Variants in ATAD3A observed in about 807,000 individuals in gnomAD.
The protein encoded by ATAD3A is ATPase family AAA domain containing 3A.
ATAD3A carries 46 observed loss-of-function variants against 73.8 expected under a neutral mutation model. That is an observed-to-expected ratio of 0.62 (90% CI 0.49 to 0.80). The LOEUF is 0.80. Among genes scored for constraint, ATAD3A ranks in the 30% least tolerant of loss-of-function variants. The pLI, the probability that ATAD3A is intolerant of heterozygous loss-of-function variation, is 0.00. For synonymous variants in ATAD3A, 319 were observed against 350.0 expected (o/e 0.91, Z 0.99); for missense variants, 705 against 838.0 (o/e 0.84, Z 1.96).
At chr1:1,522,362 G>C (rs1364075438) in intron 7 of ATAD3A, among the ~76,000 whole-genome samples, 1 of 152,150 alleles carries the variant, frequency 6.6e-6, no homozygotes, top group Non-Finnish European at 1.5e-5. Context: ...TTTTTAAAAC[G>C]AGTTAGAGAT....
Position 1,523,349 on chromosome 1 carries a change from G to T in ATAD3A, c.907-162G>T, listed in dbSNP as rs541962093. Among the ~76,000 whole-genome samples the T allele has an allele frequency of 1.6e-4, 25 of 152,282 alleles. No individual in the cohort carries two copies. Among genetic ancestry groups the T allele is most frequent in the South Asian group, 1.0e-3 (5 of 4,828 alleles). ...AATGCCCCTAATCCCAGCAATAGCCGCCTGGTCTCCGGGCGGGGCAGGGTT... is the reference window on the plus strand; with the variant it reads ...AATGCCCCTAATCCCAGCAATAGCCTCCTGGTCTCCGGGCGGGGCAGGGTT... On this transcript the variant is annotated intron_variant, in intron 8 of 15. Coordinates refer to ENST00000378756, the MANE Select transcript of ATAD3A (RefSeq NM_001170535.3). The surrounding 1 kb of genome is among the most constrained non-coding windows in gnomAD (Gnocchi z 5.1).
intron 15 of ATAD3A, 85 bp downstream of exon 15, chr1:1,529,416 G>C (rs963285137): frequency 6.7e-7 from 1 of 1,498,832 alleles, no homozygotes; most frequent in Admixed American, 2.2e-5. Flanking sequence ...TCCCAGCACC[G>C]GTGTCACGCG....
In ATAD3A at chr1:1,512,307, T is replaced by A. The variant is rs556239318; in HGVS notation, c.39T>A (p.Gly13=). 237 of 1,255,354 alleles carry A rather than the reference T, an allele frequency of 1.9e-4. 1 individual carries two copies. In the African/African-American group the frequency reaches 3.2e-3, roughly 17 times the overall value. 77.8% of individuals were successfully genotyped at this position (1,255,354 alleles called of 1,614,324 possible). Residue 13 remains glycine, a synonymous_variant, in exon 1 of 16, where the codon GGT becomes GGA. Transcript: ENST00000378756. Reference sequence around the variant, plus strand: ...TCGGCATTAACAAGGGCCCCAAGGGTGAAGGCGCGGGGCCGCCGCCGCCTT... The same window carrying A: ...TCGGCATTAACAAGGGCCCCAAGGGAGAAGGCGCGGGGCCGCCGCCGCCTT... ...WLFGINKGPK[G]EGAGPPPPLP...
At chr1:1,518,666 T>TACACAC (rs113798902) in intron 4 of ATAD3A, among the ~76,000 whole-genome samples, 662 of 41,202 alleles carry the variant, frequency 0.016, 4 homozygotes, top group South Asian at 0.03. Context: ...CCCGCACGGG[T>TACACAC]ACACACACAC....
chr1:1,532,992 G>A (rs1642084999), intron 15 of ATAD3A, among the ~76,000 whole-genome samples: 2 of 152,166 alleles, frequency 1.3e-5, no homozygotes, highest in South Asian at 4.1e-4. Flanking sequence ...TCCCCACACA[G>A]TGGCTCTTGG....
chr1:1,516,076 G>A lies in ATAD3A; in HGVS notation c.270G>A (p.Gln90=). Residue 90 remains glutamine, a synonymous_variant, in exon 2 of 16, where the codon CAG becomes CAA. Coordinates refer to ENST00000378756, the MANE Select transcript of ATAD3A (RefSeq NM_001170535.3). ...AGCAGACGCTGCAGTTGGAGCAACA[G>A]TCCAAGCTCAAAGTGAGTGGGGCCG... ...MQEQTLQLEQ[Q]SKLKEYEAAV... 2 of 1,613,676 alleles carry A rather than the reference G, an allele frequency of 1.2e-6. No homozygotes were observed. The highest frequency in any genetic ancestry group is 1.7e-6 in the Non-Finnish European group (2 of 1,179,920).
chr1:1,534,184 C>G lies in ATAD3A; in HGVS notation c.*112C>G. 6.4e-7 allele frequency: 1 copy of G among 1,570,352 alleles called. No homozygotes were observed. The highest frequency in any genetic ancestry group is 8.6e-7 in the Non-Finnish European group (1 of 1,158,390). On this transcript the variant is annotated 3_prime_UTR_variant, in exon 16 of 16. Transcript: ENST00000378756. ...CTCCTGGGTGGGGACTGGGCTGTGC[C>G]CAGGGCCTCTGTCCCCCAGGATGTC...
At position 1,523,189 on chromosome 1, in the gene ATAD3A, C is replaced by T. The variant is rs1386510714; in HGVS notation, c.906+290C>T. On this transcript the variant is annotated intron_variant, in intron 8 of 15. Transcript: ENST00000378756. The surrounding 1 kb of genome is among the most constrained non-coding windows in gnomAD (Gnocchi z 5.1). The stretch of plus-strand genomic sequence containing the variant: ...GGGACTTGGGTGTGCGGCCGTCTAT[C>T]AGGGAAGCTGCTACAGGCCACGGCG... 2.6e-5 allele frequency among the ~76,000 whole-genome samples: 4 copies of T among 152,006 alleles called. No homozygotes were observed. The highest frequency in any genetic ancestry group is 9.7e-5 in the African/African-American group (4 of 41,316).
Position 1,519,534 on chromosome 1 carries a change from A to G in ATAD3A, c.514+544A>G, listed in dbSNP as rs1321481459. Among the ~76,000 whole-genome samples the G allele has an allele frequency of 3.6e-4, 23 of 64,632 alleles. 2 individuals are homozygous for G. Among genetic ancestry groups the G allele is most frequent in the Non-Finnish European group, 9.3e-5 (3 of 32,352 alleles). The allele number at this position is 64,632 out of a possible 152,430, so 42.4% of individuals were successfully genotyped here. ...TGAGCCTCTGCGTTCTGCCTAGAACATGGGTCTTTACTGTCCTGGTTTCAG... is the reference window on the plus strand; with the variant it reads ...TGAGCCTCTGCGTTCTGCCTAGAACGTGGGTCTTTACTGTCCTGGTTTCAG... On this transcript the variant is annotated intron_variant, in intron 5 of 15. Coordinates refer to ENST00000378756, the MANE Select transcript of ATAD3A (RefSeq NM_001170535.3).
intron 11 of ATAD3A, among the ~76,000 whole-genome samples, chr1:1,524,882 T>C (rs1215592874): frequency 2.0e-5 from 3 of 151,752 alleles, no homozygotes; most frequent in African/African-American, 4.8e-5. Flanking sequence ...ACGATGCTCA[T>C]GGTTGGCACC....
At chr1:1,519,743 G>C (rs1487380239) in intron 5 of ATAD3A, among the ~76,000 whole-genome samples, 1 of 146,494 alleles carries the variant, frequency 6.8e-6, no homozygotes, top group Non-Finnish European at 1.5e-5. Flanking sequence ...TGTGAGGGGG[G>C]CTTCCTTCAG....
At chr1:1,521,632 T>C (rs1458213276) in intron 7 of ATAD3A, among the ~76,000 whole-genome samples, 2 of 152,236 alleles carry the variant, frequency 1.3e-5, no homozygotes, top group African/African-American at 4.8e-5. Flanking sequence ...TTGCAGGTGG[T>C]GTTGCCACCA....
chr1:1,527,665 A>G (rs779057152), intron 13 of ATAD3A, 30 bp from the exon 14 acceptor site: 2 of 1,588,442 alleles, frequency 1.3e-6, no homozygotes, highest in Admixed American at 1.7e-5. Flanking sequence ...CGGCAGCCCC[A>G]GCATCCTCAT....
At chr1:1,532,621 G>C (rs1275431476) in intron 15 of ATAD3A, among the ~76,000 whole-genome samples, 1 of 152,212 alleles carries the variant, frequency 6.6e-6, no homozygotes, top group Non-Finnish European at 1.5e-5. Context: ...CAGGTCCCGT[G>C]CTTCCTGGAG....
rs557497641 is a variant in ATAD3A at position 1,521,292 on chromosome 1, T to G, written c.750+675T>G. On this transcript the variant is annotated intron_variant, in intron 7 of 15. Coordinates refer to ENST00000378756, the MANE Select transcript of ATAD3A (RefSeq NM_001170535.3). ...CCAGCCTGGGCCACATAGTGAGGCTTCTTCTCAAAAAAAAAAAAAAAAAAA... is the reference window on the plus strand; with the variant it reads ...CCAGCCTGGGCCACATAGTGAGGCTGCTTCTCAAAAAAAAAAAAAAAAAAA... Among the ~76,000 whole-genome samples the G allele has an allele frequency of 2.1e-3, 240 of 116,198 alleles. 2 individuals carry two copies. Among genetic ancestry groups the G allele is most frequent in the African/African-American group, 8.3e-3 (234 of 28,180 alleles). 76.2% of individuals were successfully genotyped at this position (116,198 alleles called of 152,430 possible).
rs529067848 is a variant in ATAD3A, at chr1:1,513,564, C to T, written c.205+1091C>T. ...CCCGGGGCAGGGTCTCCAGGTGCAC[C>T]GTGGGGAGCCCTCCATCAGGCTTTT... On this transcript the variant is annotated intron_variant, in intron 1 of 15. Coordinates refer to ENST00000378756, the MANE Select transcript of ATAD3A (RefSeq NM_001170535.3). Among the ~76,000 whole-genome samples, 186 of 152,162 alleles carry T rather than the reference C, an allele frequency of 1.2e-3. 1 individual carries two copies. The highest frequency in any genetic ancestry group is 4.2e-3 in the African/African-American group (175 of 41,492).
intron 15 of ATAD3A, among the ~76,000 whole-genome samples, chr1:1,532,710 G>A (rs1259331188): frequency 6.6e-6 from 1 of 152,188 alleles, no homozygotes; most frequent in African/African-American, 2.4e-5. Context: ...GGTGGACCCT[G>A]AGGGTCCCTG....
intron 4 of ATAD3A, among the ~76,000 whole-genome samples, 183 bp from the exon 5 acceptor site, chr1:1,518,738 A>G (rs1048493614): frequency 7.1e-6 from 1 of 141,738 alleles, no homozygotes; most frequent in Non-Finnish European, 1.5e-5. Context: ...TCACCCCCAC[A>G]CACATGGGCA....
rs149348995 is a variant in ATAD3A at position 1,529,602 on chromosome 1, G to A, written c.1614+271G>A. ...GGCCAGTCTGGCATCGCCGTAGCCCGAGCTTTGCCAGGTGGGGCTGGAGGC... is the reference window on the plus strand; with the variant it reads ...GGCCAGTCTGGCATCGCCGTAGCCCAAGCTTTGCCAGGTGGGGCTGGAGGC... On this transcript the variant is annotated intron_variant, in intron 15 of 15. Coordinates refer to ENST00000378756, the MANE Select transcript of ATAD3A (RefSeq NM_001170535.3). Among the ~76,000 whole-genome samples the A allele has an allele frequency of 2.6e-3, 395 of 152,344 alleles. 1 individual carries two copies. The highest frequency in any genetic ancestry group is 8.9e-3 in the African/African-American group (371 of 41,562).
Sources: gnomAD v4.1 joint callset for allele counts (sites outside exome capture counted in the v4.1 genomes callset) on GRCh38, gnomAD v4.1.1 for gene constraint, Gnocchi (gnomAD v3.1) non-coding constraint, MANE v1.5 for transcripts, NCBI Gene and HGNC (gene_info 2026-07-23, HGNC 2026-07-21) for gene names.